The following RANBP2 variants were observed in gnomAD, a reference collection of about 807,000 sequenced individuals.
The protein encoded by RANBP2 is E3 SUMO-protein ligase RanBP2.
RANBP2 carries 57 observed loss-of-function variants against 303.6 expected under a neutral mutation model. The observed-to-expected ratio is 0.19, with a 90% CI of 0.15 to 0.23. RANBP2 has a LOEUF of 0.23. RANBP2 is among the 10% of genes least tolerant of loss of function. The pLI, the probability that RANBP2 is intolerant of heterozygous loss-of-function variation, is 1.00. For synonymous variants in RANBP2, 1,167 were observed against 1,301.5 expected (o/e 0.90, Z 2.23); for missense variants, 3,138 against 3,780.8 (o/e 0.83, Z 4.46).
chr2:109,465,272 C>T, the RANBP2 span, among the ~76,000 whole-genome samples: 63 of 152,228 alleles, frequency 4.1e-4, no homozygotes, highest in African/African-American at 1.3e-3. Flanking sequence ...TGAATACAGC[C>T]GCTATAAACA....
the RANBP2 span, among the ~76,000 whole-genome samples, chr2:108,791,198 T>C: frequency 0.011 from 1,701 of 152,344 alleles, 40 homozygotes; most frequent in African/African-American, 0.037. Context: ...ACTTGTGTTA[T>C]ATTGCTTTTG....
chr2:109,187,679 A>G, the RANBP2 span, among the ~76,000 whole-genome samples: 1 of 152,198 alleles, frequency 6.6e-6, no homozygotes, highest in African/African-American at 2.4e-5. Flanking sequence ...ATGTTCACAC[A>G]ATGATGTCAC....
the RANBP2 span, among the ~76,000 whole-genome samples, chr2:108,916,528 C>A: frequency 5.9e-5 from 9 of 152,120 alleles, no homozygotes; most frequent in Non-Finnish European, 8.8e-5. Flanking sequence ...CACCTGCCCT[C>A]GGCCAGCTGT....
Position 108,765,113 on chromosome 2 carries a change from C to CT in RANBP2, c.4576dup (p.Ser1526PhefsTer5). ...ACACCTGCCTCTTTTAAGTTTGGTA[C>CT]TTCAGAGACAAGTAAAACTCTAAAA... On this transcript the variant is annotated frameshift_variant, in exon 20 of 29. Coordinates refer to ENST00000283195, the MANE Select transcript of RANBP2 (RefSeq NM_006267.5). LOFTEE classifies it high-confidence loss of function. 1 of 1,613,750 alleles carries CT rather than the reference C, an allele frequency of 6.2e-7. No individual in the cohort carries two copies. Among genetic ancestry groups the CT allele is most frequent in the Non-Finnish European group, 8.5e-7 (1 of 1,179,916 alleles).
chr2:109,107,224 C>CTT, the RANBP2 span, among the ~76,000 whole-genome samples: 6 of 141,134 alleles, frequency 4.3e-5, no homozygotes, highest in Non-Finnish European at 3.1e-5. Flanking sequence ...CGCACCCAGC[C>CTT]TTTTTTTTTT....
the RANBP2 span, chr2:109,449,068 G>A: frequency 7.3e-7 from 1 of 1,370,128 alleles, no homozygotes; most frequent in South Asian, 1.4e-5. Flanking sequence ...GAGGCTGTGA[G>A]TGCTCGAGAA....
the RANBP2 span, among the ~76,000 whole-genome samples, chr2:108,955,846 GA>G: frequency 1.3e-5 from 2 of 152,118 alleles, no homozygotes; most frequent in East Asian, 3.8e-4. Context: ...CTAACACGGC[GA>G]AATACTGTCT....
the RANBP2 span, among the ~76,000 whole-genome samples, chr2:109,500,990 C>G: frequency 6.6e-6 from 1 of 152,206 alleles, no homozygotes; most frequent in Non-Finnish European, 1.5e-5. Context: ...GTTCCAAGTA[C>G]CTTTCACACA....
the RANBP2 span, among the ~76,000 whole-genome samples, chr2:109,263,257 A>G: frequency 2.6e-5 from 4 of 152,214 alleles, no homozygotes; most frequent in Non-Finnish European, 5.9e-5. Flanking sequence ...ATGTTGGTTT[A>G]AATTATTATC....
At chr2:108,864,611 C>T in the RANBP2 span, among the ~76,000 whole-genome samples, 1 of 152,050 alleles carries the variant, frequency 6.6e-6, no homozygotes, top group Non-Finnish European at 1.5e-5. Context: ...GCCTGGCTAA[C>T]ATGGTGAAAC....
the RANBP2 span, among the ~76,000 whole-genome samples, chr2:109,575,155 T>C: frequency 6.6e-6 from 1 of 152,258 alleles, no homozygotes; most frequent in South Asian, 2.1e-4. Context: ...TGATTCATTC[T>C]CATAGTCATT....
the RANBP2 span, among the ~76,000 whole-genome samples, chr2:109,265,893 C>A: frequency 2.6e-5 from 4 of 152,214 alleles, no homozygotes; most frequent in African/African-American, 9.6e-5. Context: ...CCAGCACCAG[C>A]TGTGCCCAGT....
At chr2:109,129,788 A>T in the RANBP2 span, 7 of 1,539,398 alleles carry the variant, frequency 4.5e-6, no homozygotes, top group Non-Finnish European at 6.1e-6. Context: ...CGCTGCCTGG[A>T]GAGCATCGTG....
At chr2:109,610,095 G>GTTTTTTTTT in the RANBP2 span, among the ~76,000 whole-genome samples, 5 of 143,434 alleles carry the variant, frequency 3.5e-5, no homozygotes, top group Admixed American at 1.4e-4. Context: ...TCCCTGAGGT[G>GTTTTTTTTT]TTTTTTTTTT....
At chr2:109,072,534 G>A in the RANBP2 span, among the ~76,000 whole-genome samples, 2 of 152,190 alleles carry the variant, frequency 1.3e-5, no homozygotes, top group African/African-American at 4.8e-5. Context: ...CAACTTTTCT[G>A]GCTGCTACCA....
chr2:109,629,339 ATATATATATATATATATTTTTTT>A, the RANBP2 span, among the ~76,000 whole-genome samples: 2 of 9,730 alleles, frequency 2.1e-4, no homozygotes, highest in African/African-American at 8.2e-4. Context: ...ATATATATAT[ATATATATATATATATATTTTTTT>A]TTTTTTTTTC....
At chr2:109,222,071 T>G in the RANBP2 span, among the ~76,000 whole-genome samples, 1 of 151,952 alleles carries the variant, frequency 6.6e-6, no homozygotes, top group Non-Finnish European at 1.5e-5. Context: ...TGCAGGTGGT[T>G]ATGGTAAATG....
the RANBP2 span, among the ~76,000 whole-genome samples, chr2:109,019,049 G>A: frequency 1.3e-4 from 20 of 152,344 alleles, no homozygotes; most frequent in African/African-American, 4.8e-4. Flanking sequence ...GATCAGATCA[G>A]ATCAGTCACT....
the RANBP2 span, among the ~76,000 whole-genome samples, chr2:109,484,700 A>C: frequency 6.6e-6 from 1 of 152,232 alleles, no homozygotes; most frequent in Non-Finnish European, 1.5e-5. Flanking sequence ...CAAGTGATGC[A>C]ATAAATCAAA....
Sources: allele counts gnomAD v4.1 joint callset (sites outside exome capture counted in the v4.1 genomes callset), GRCh38; gene constraint gnomAD v4.1.1; transcripts MANE v1.5; gene names NCBI Gene and HGNC (gene_info 2026-07-23, HGNC 2026-07-21).